TSPAN5: variants seen among roughly 807,000 people sequenced by gnomAD.
TSPAN5 encodes tetraspanin 5.
Under a neutral mutation model 37.1 loss-of-function variants are expected in TSPAN5, and 10 were observed. The ratio of observed to expected loss-of-function variants is 0.27; its 90% CI spans 0.17 to 0.46. The LOEUF is 0.46. TSPAN5 is among the 20% of genes least tolerant of loss of function. The pLI is 1.00. For missense variants in TSPAN5, 195 were observed against 326.6 expected (o/e 0.60, Z 3.11); for synonymous variants, 110 against 118.9 (o/e 0.93, Z 0.48).
At chr4:98,638,717 A>AT (rs1393259464) in intron 1 of TSPAN5, among the ~76,000 whole-genome samples, 3 of 152,144 alleles carry the variant, frequency 2.0e-5, no homozygotes, top group African/African-American at 7.2e-5. Flanking sequence ...GTCTTGTTTG[A>AT]TTTTACCCTA....
chr4:98,491,340 C>G (rs1753081163), intron 2 of TSPAN5, among the ~76,000 whole-genome samples: 1 of 152,182 alleles, frequency 6.6e-6, no homozygotes, highest in Admixed American at 6.5e-5. Context: ...TTAGGGATTA[C>G]TTACCTAGCA....
At chr4:98,572,358 T>C (rs1264018998) in intron 1 of TSPAN5, among the ~76,000 whole-genome samples, 1 of 152,162 alleles carries the variant, frequency 6.6e-6, no homozygotes, top group Non-Finnish European at 1.5e-5. Context: ...GCCTGGACAG[T>C]GACACAGTTG....
chr4:98,522,041 TACA>T (rs1753868723), intron 1 of TSPAN5, among the ~76,000 whole-genome samples: 1 of 152,246 alleles, frequency 6.6e-6, no homozygotes, highest in Admixed American at 6.5e-5. Context: ...ATGTTTCAGG[TACA>T]TTTTAGTAAA....
chr4:98,592,691 G>GT (rs1390711741), intron 1 of TSPAN5, among the ~76,000 whole-genome samples: 1 of 148,274 alleles, frequency 6.7e-6, no homozygotes, highest in Non-Finnish European at 1.5e-5. Context: ...GCGGTGTTTG[G>GT]TTTTTTTGTT....
At chr4:98,638,098 G>A (rs1756895150) in intron 1 of TSPAN5, among the ~76,000 whole-genome samples, 1 of 152,064 alleles carries the variant, frequency 6.6e-6, no homozygotes, top group African/African-American at 2.4e-5. Context: ...CTTGCGCCTT[G>A]CCTCTGCCTG....
At chr4:98,648,827 C>T (rs1306755140) in intron 1 of TSPAN5, among the ~76,000 whole-genome samples, 2 of 152,254 alleles carry the variant, frequency 1.3e-5, no homozygotes, top group Non-Finnish European at 2.9e-5. Context: ...TCAAACTCAG[C>T]TGGGCATCAC....
chr4:98,479,751 A>G (rs1475055213), intron 4 of TSPAN5, among the ~76,000 whole-genome samples: 1 of 152,190 alleles, frequency 6.6e-6, no homozygotes, highest in Non-Finnish European at 1.5e-5. Context: ...CTTTTGCTGC[A>G]ACTGTTACTG....
chr4:98,495,344 GT>G (rs1753177898), intron 2 of TSPAN5, among the ~76,000 whole-genome samples: 3 of 152,058 alleles, frequency 2.0e-5, no homozygotes. Flanking sequence ...CCTGGCTAAC[GT>G]GGTGAAATCC....
chr4:98,485,803 A>G (rs76958620), intron 3 of TSPAN5, among the ~76,000 whole-genome samples: 3,691 of 133,764 alleles, frequency 0.028, 86 homozygotes, highest in Non-Finnish European at 0.042. Context: ...ATGTCCCTGG[A>G]TGATGATGTG....
chr4:98,500,790 G>GGA (rs1431952321), intron 2 of TSPAN5, among the ~76,000 whole-genome samples: 1 of 152,156 alleles, frequency 6.6e-6, no homozygotes, highest in Admixed American at 6.5e-5. Context: ...TTGTGTAGGA[G>GGA]GCATTGTGGT....
At chr4:98,498,375 C>T (rs762519491) in intron 2 of TSPAN5, among the ~76,000 whole-genome samples, 17 of 152,104 alleles carry the variant, frequency 1.1e-4, no homozygotes, top group Non-Finnish European at 1.8e-4. Flanking sequence ...TTATTTCCAA[C>T]GTAACATCAT....
At chr4:98,551,623 C>T (rs1183998159) in intron 1 of TSPAN5, among the ~76,000 whole-genome samples, 1 of 150,494 alleles carries the variant, frequency 6.6e-6, no homozygotes, top group Admixed American at 6.6e-5. Flanking sequence ...TCCCAAGTAG[C>T]TAGGACTACA....
chr4:98,592,166 C>T (rs1234375866), intron 1 of TSPAN5, among the ~76,000 whole-genome samples: 1 of 149,810 alleles, frequency 6.7e-6, no homozygotes, highest in Non-Finnish European at 1.5e-5. Context: ...TGAACCATTA[C>T]CTTTATCTCA....
At chr4:98,512,881 G>A (rs1480489162) in intron 1 of TSPAN5, among the ~76,000 whole-genome samples, 1 of 152,180 alleles carries the variant, frequency 6.6e-6, no homozygotes, top group Admixed American at 6.5e-5. Flanking sequence ...ATACAGTCCA[G>A]TAAGAGAGAG....
chr4:98,547,470 CCTG>C (rs1754495212), intron 1 of TSPAN5, among the ~76,000 whole-genome samples: 1 of 152,100 alleles, frequency 6.6e-6, no homozygotes, highest in Admixed American at 6.5e-5. Context: ...TTGTTTGAAC[CCTG>C]TACAGACTGA....
At chr4:98,657,667 G>A in intron 1 of TSPAN5, 1 of 215,596 alleles carries the variant, frequency 4.6e-6, no homozygotes, top group South Asian at 6.7e-5. Context: ...TACACGCTGA[G>A]CATGGCACAG....
chr4:98,511,351 C>G (rs1226840725), intron 1 of TSPAN5, among the ~76,000 whole-genome samples: 2 of 152,126 alleles, frequency 1.3e-5, no homozygotes, highest in Non-Finnish European at 2.9e-5. Flanking sequence ...TTACACAAGC[C>G]TAGATGGTAC....
At chr4:98,579,939 A>T (rs1163119732) in intron 1 of TSPAN5, among the ~76,000 whole-genome samples, 1 of 152,198 alleles carries the variant, frequency 6.6e-6, no homozygotes, top group Non-Finnish European at 1.5e-5. Flanking sequence ...ACCCAAAATA[A>T]TGTTTAAATT....
chr4:98,559,263 G>A (rs1013687239), intron 1 of TSPAN5, among the ~76,000 whole-genome samples: 1 of 152,236 alleles, frequency 6.6e-6, no homozygotes, highest in East Asian at 1.9e-4. Flanking sequence ...TTCAAATTTG[G>A]AAATCATAAA....
Sources: gnomAD v4.1 joint callset for allele counts (sites outside exome capture counted in the v4.1 genomes callset) on GRCh38, gnomAD v4.1.1 for gene constraint, MANE v1.5 for transcripts, NCBI Gene and HGNC (gene_info 2026-07-23, HGNC 2026-07-21) for gene names.